The following EYA1 variants were observed in gnomAD, a reference collection of about 807,000 sequenced individuals.
EYA1 encodes the protein EYA transcriptional coactivator and phosphatase 1, also known as protein phosphatase EYA1.
In EYA1, 16 loss-of-function variants were observed where a neutral mutation model predicts 82.0. The ratio of observed to expected loss-of-function variants is 0.20; its 90% CI spans 0.13 to 0.30. The LOEUF (loss-of-function observed/expected upper bound fraction) is 0.30, where lower values mean the gene tolerates loss of function less well. Among genes scored for constraint, EYA1 ranks in the 10% least tolerant of loss-of-function variants. EYA1 has a pLI of 1.00. For synonymous variants in EYA1, 261 were observed against 264.4 expected (o/e 0.99, Z 0.12); for missense variants, 633 against 730.7 (o/e 0.87, Z 1.54).
At chr8:71,439,462 C>T (rs1036411232) in intron 2 of EYA1, among the ~76,000 whole-genome samples, 1 of 152,168 alleles carries the variant, frequency 6.6e-6, no homozygotes, top group Non-Finnish European at 1.5e-5. Flanking sequence ...GTTGTGCAAC[C>T]AGCTGGTGTC....
chr8:71,254,243 C>CAAAAAAAAAAA (rs56047377), intron 11 of EYA1, among the ~76,000 whole-genome samples: 44 of 51,458 alleles, frequency 8.6e-4, no homozygotes, highest in South Asian at 9.8e-4. Context: ...AAGTCTTGGC[C>CAAAAAAAAAAA]AAAAAAAAAA....
intron 8 of EYA1, 139 bp from the exon 9 acceptor site, chr8:71,299,372 T>A: frequency 1.2e-6 from 1 of 864,516 alleles, no homozygotes; most frequent in Non-Finnish European, 1.9e-6. Flanking sequence ...ACACATTAAC[T>A]AAAGAGCTCA....
At chr8:71,482,037 T>C (rs894772199) in intron 2 of EYA1, among the ~76,000 whole-genome samples, 2 of 152,128 alleles carry the variant, frequency 1.3e-5, no homozygotes, top group African/African-American at 4.8e-5. Context: ...AAGGAAAATA[T>C]TAAAAAGTTA....
chr8:71,487,581 C>T (rs1370318569), intron 2 of EYA1, among the ~76,000 whole-genome samples: 1 of 152,098 alleles, frequency 6.6e-6, no homozygotes, highest in Non-Finnish European at 1.5e-5. Context: ...CTTTTGTCCA[C>T]CTAAAAATAA....
At chr8:71,356,175 C>T (rs1472664535) in intron 2 of EYA1, among the ~76,000 whole-genome samples, 4 of 152,138 alleles carry the variant, frequency 2.6e-5, no homozygotes, top group African/African-American at 4.8e-5. Flanking sequence ...ATTCTGAATT[C>T]AAACTAGAAA....
At chr8:71,393,398 A>T (rs1829392226) in intron 2 of EYA1, among the ~76,000 whole-genome samples, 1 of 151,872 alleles carries the variant, frequency 6.6e-6, no homozygotes, top group African/African-American at 2.4e-5. Context: ...TGCACCCGTT[A>T]ACTCCTCATT....
chr8:71,400,154 A>G (rs1404522530), intron 2 of EYA1, among the ~76,000 whole-genome samples: 1 of 152,102 alleles, frequency 6.6e-6, no homozygotes, highest in Admixed American at 6.5e-5. Flanking sequence ...CTCAAGATGA[A>G]TTAAAGACTT....
chr8:71,499,355 G>A (rs530581689), intron 2 of EYA1, among the ~76,000 whole-genome samples: 18 of 152,150 alleles, frequency 1.2e-4, no homozygotes, highest in East Asian at 3.9e-4. Context: ...AGATATTTTC[G>A]TAAATGCCTG....
chr8:71,491,396 A>T (rs970865573), intron 2 of EYA1, among the ~76,000 whole-genome samples: 1 of 152,218 alleles, frequency 6.6e-6, no homozygotes, highest in Non-Finnish European at 1.5e-5. Context: ...AGACCAAAAC[A>T]GATTGTTAAA....
chr8:71,506,112 C>A (rs1360952297), intron 2 of EYA1, among the ~76,000 whole-genome samples: 1 of 152,090 alleles, frequency 6.6e-6, no homozygotes, highest in Admixed American at 6.6e-5. Flanking sequence ...TTATAAATTA[C>A]CCAGTCTTGG....
intron 12 of EYA1, chr8:71,225,185 T>TA: frequency 2.2e-6 from 1 of 455,918 alleles, no homozygotes. Context: ...TTGTGCTTTC[T>TA]AAGGGCACGT....
chr8:71,260,325 A>G (rs1208918132), intron 11 of EYA1, among the ~76,000 whole-genome samples: 1 of 152,230 alleles, frequency 6.6e-6, no homozygotes, highest in South Asian at 2.1e-4. Flanking sequence ...TGGTCTCTAC[A>G]AAGTACTTAT....
intron 16 of EYA1, among the ~76,000 whole-genome samples, chr8:71,213,245 T>C (rs557088119): frequency 6.6e-6 from 1 of 152,348 alleles, no homozygotes; most frequent in African/African-American, 2.4e-5. Context: ...TGTAATTTCC[T>C]GTTATCATTT....
chr8:71,398,237 T>G lies in EYA1; in HGVS notation c.34-41726A>C, dbSNP rs188958528. ...AGCTTCTTTGCAATGGGTTCAAACATCCTCCTTTAGCTCAGATAAGTTTGT... is the reference window on the plus strand; with the variant it reads ...AGCTTCTTTGCAATGGGTTCAAACAGCCTCCTTTAGCTCAGATAAGTTTGT... On this transcript the variant is annotated intron_variant, in intron 2 of 18. Transcript: ENST00000643681. Among the ~76,000 whole-genome samples the G allele has an allele frequency of 8.1e-4, 124 of 152,318 alleles. 1 individual carries two copies. Among genetic ancestry groups the G allele is most frequent in the Middle Eastern group, 6.8e-3 (2 of 294 alleles).
chr8:71,354,674 A>C (rs1826670573), intron 3 of EYA1, 108 bp downstream of exon 3: 1 of 1,068,560 alleles, frequency 9.4e-7, no homozygotes, highest in South Asian at 1.3e-5. Context: ...GGGAAATATA[A>C]GAGTAGTTTT....
intron 12 of EYA1, among the ~76,000 whole-genome samples, chr8:71,236,578 G>A (rs922201489): frequency 6.6e-6 from 1 of 152,086 alleles, no homozygotes; most frequent in African/African-American, 2.4e-5. Flanking sequence ...TGGGGGGTGG[G>A]TATATTATGG....
rs886771349 is a variant in EYA1 at position 71,253,339 on chromosome 8, G to A, written c.1051-8647C>T. ...GCCCACTCCAGGAAGAAGATAAAGA[G>A]TTTAAAATTTGGGGGTATTATTTAA... On this transcript the variant is annotated intron_variant, in intron 11 of 17. Coordinates refer to ENST00000340726, the MANE Select transcript of EYA1 (RefSeq NM_000503.6). Among the ~76,000 whole-genome samples, 29 of 152,094 alleles carry A rather than the reference G, an allele frequency of 1.9e-4. 1 individual carries two copies. The highest frequency in any genetic ancestry group is 5.8e-4 in the African/African-American group (24 of 41,474).
At position 71,497,156 on chromosome 8, in the gene EYA1, A is replaced by G. The variant is rs556860896; in HGVS notation, c.33+38588T>C. Among the ~76,000 whole-genome samples the G allele has an allele frequency of 1.4e-3, 219 of 152,350 alleles. 1 individual carries two copies. The highest frequency in any genetic ancestry group is 4.9e-3 in the African/African-American group (205 of 41,582). ...GGCTTCCCTGGCCCACAATGGAAGA[A>G]GAAGAATCATCTTGGGCCATACATA... On this transcript the variant is annotated intron_variant, in intron 2 of 18. Coordinates refer to the EYA1 transcript ENST00000643681.
intron 6 of EYA1, 112 bp downstream of exon 6, chr8:71,321,622 G>T: frequency 1.5e-6 from 2 of 1,330,072 alleles, no homozygotes; most frequent in South Asian, 1.5e-5. Flanking sequence ...GACACAGAAG[G>T]TGACAACACG....
Sources: allele counts gnomAD v4.1 joint callset (sites outside exome capture counted in the v4.1 genomes callset), GRCh38; gene constraint gnomAD v4.1.1; transcripts MANE v1.5; gene names NCBI Gene and HGNC (gene_info 2026-07-23, HGNC 2026-07-21).